Variants in ZNF337 observed in about 807,000 individuals in gnomAD.
ZNF337 encodes zinc finger protein 337.
A neutral mutation model predicts 12.1 loss-of-function variants in ZNF337; 8 were observed. The ratio of observed to expected loss-of-function variants is 0.66; its 90% CI spans 0.39 to 1.19. The LOEUF is 1.19. ZNF337 is among the 50% of genes most tolerant of loss of function. The pLI, the probability that ZNF337 is intolerant of heterozygous loss-of-function variation, is 0.01. For missense variants in ZNF337, 882 were observed against 896.6 expected (o/e 0.98, Z 0.21); for synonymous variants, 336 against 320.0 (o/e 1.05, Z -0.53).
Position 25,686,351 on chromosome 20 carries a change from A to G in ZNF337, c.27+40T>C, listed in dbSNP as rs1269918807. ...TAGGGCCAGTGAAGGAAATGGGCCC[A>G]TCCTGTGACAGCAAGAACGACAGTT... On this transcript the variant is annotated intron_variant, in intron 2 of 4. Transcript: ENST00000252979. 4.4e-6 allele frequency: 7 copies of G among 1,585,380 alleles called. No homozygotes were observed. The East Asian group carries it at 1.1e-4, about 25-fold the overall frequency.
At chr20:25,686,508 C>T in intron 1 of ZNF337, 42 bp from the exon 2 acceptor site, 1 of 1,476,694 alleles carries the variant, frequency 6.8e-7, no homozygotes, top group Non-Finnish European at 9.3e-7. Context: ...GGTGCAGCTG[C>T]CCTCCCCATG....
rs766789939 is a variant in ZNF337, at chr20:25,685,598, T to C, written c.219A>G (p.Glu73=). The part of the protein sequence containing the change: ...RLEQGEVPWG[E]ERRRRPGPCA... ...AGGGGCCTGGCCGGCGTCTTCTCTCTTCTCCCCAGGGCACTTCCCCTTGCT... is the reference window on the plus strand; with the variant it reads ...AGGGGCCTGGCCGGCGTCTTCTCTCCTCTCCCCAGGGCACTTCCCCTTGCT... The change falls in exon 4 of 5, where the codon GAA becomes GAG. Residue 73 remains glutamate (E), a synonymous_variant. Transcript: ENST00000252979. The C allele has an allele frequency of 6.2e-7, 1 of 1,614,208 alleles. No homozygotes were observed. The highest frequency in any genetic ancestry group is 1.1e-5 in the South Asian group (1 of 91,084).
Position 25,685,588 on chromosome 20 carries a change from G to A in ZNF337, c.229C>T (p.Arg77Cys), listed in dbSNP as rs773542852. 41 of 1,614,034 alleles carry A rather than the reference G, an allele frequency of 2.5e-5. No homozygotes were observed. The highest frequency in any genetic ancestry group is 5.3e-5 in the African/African-American group (4 of 74,938). ...TCACCTGCACAGGGGCCTGGCCGGC[G>A]TCTTCTCTCTTCTCCCCAGGGCACT... ...GEVPWGEERR[R>C]RPGPCAGIYA... Residue 77 changes from arginine (R) to cysteine (C), a missense_variant, in exon 4 of 5, where the codon CGC becomes TGC. Physicochemically the swap from Arg to Cys is radical, Grantham distance 180 (BLOSUM62 -3). Coordinates refer to ENST00000252979, the MANE Select transcript of ZNF337 (RefSeq NM_015655.4).
Position 25,675,479 on chromosome 20 carries a change from A to C in ZNF337, c.1809T>G (p.Ser603Arg), listed in dbSNP as rs868544913. Residue 603 changes from serine (S) to arginine (R), a missense_variant, in exon 5 of 5, where the codon AGT (serine) becomes AGG (arginine). Transcript: ENST00000252979. ...THSGEKPFIC[S>R]ECGQGFIWKS... ...TCCAGATAAATCCTTGCCCACATTCACTACAGATGAAAGGCTTCTCCCCTG... is the reference window on the plus strand; with the variant it reads ...TCCAGATAAATCCTTGCCCACATTCCCTACAGATGAAAGGCTTCTCCCCTG... 6.2e-7 allele frequency: 1 copy of C among 1,613,508 alleles called. No homozygotes were observed. Among genetic ancestry groups the C allele is most frequent in the Admixed American group, 1.7e-5 (1 of 59,974 alleles).
chr20:25,695,708 AT>A (rs1385231456), intron 1 of ZNF337, among the ~76,000 whole-genome samples: 1 of 151,854 alleles, frequency 6.6e-6, no homozygotes, highest in Non-Finnish European at 1.5e-5. Context: ...CGCCCCGCTA[AT>A]TTTTTTATTT....
chr20:25,681,940 GGTAA>G (rs1217147744), intron 4 of ZNF337, among the ~76,000 whole-genome samples: 1 of 152,140 alleles, frequency 6.6e-6, no homozygotes, highest in Non-Finnish European at 1.5e-5. Flanking sequence ...TGCACAGCTG[GGTAA>G]GTAAGCGATA....
intron 4 of ZNF337, chr20:25,681,033 A>T (rs1435806181): frequency 6.6e-6 from 1 of 152,192 alleles, no homozygotes; most frequent in African/African-American, 2.4e-5. Context: ...TTGATGCCTT[A>T]ACCCCCAATG....
chr20:25,677,220 T>C (rs2065710464), intron 4 of ZNF337, 183 bp from the exon 5 acceptor site: 1 of 586,460 alleles, frequency 1.7e-6, no homozygotes, highest in East Asian at 2.9e-5. Flanking sequence ...TCCTAACTCA[T>C]TCTAAAAGGC....
chr20:25,685,627 G>C lies in ZNF337; in HGVS notation c.190C>G (p.Leu64Val). The change falls in exon 4 of 5, where the codon CTA becomes GTA. Residue 64 changes from leucine (L) to valine (V), a missense_variant. Transcript: ENST00000252979. ...LHSKPELIRR[L>V]EQGEVPWGEE... Reference sequence around the variant, plus strand: ...CCCCAGGGCACTTCCCCTTGCTCTAGCCGCCTGATGAGTTCTGGTTTAGAA... The same window carrying C: ...CCCCAGGGCACTTCCCCTTGCTCTACCCGCCTGATGAGTTCTGGTTTAGAA... 2 of 1,614,208 alleles carry C rather than the reference G, an allele frequency of 1.2e-6. No homozygotes were observed. The highest frequency in any genetic ancestry group is 1.7e-6 in the Non-Finnish European group (2 of 1,180,034).
In ZNF337 at chr20:25,675,607, TAAG is replaced by T. The variant is rs762640408; in HGVS notation, c.1678_1680del (p.Leu560del). The stretch of plus-strand genomic sequence containing the variant: ...TCCCCCGAGTGTGTCCACTGATGTC[TAAG>T]AAGATTTGCCTTCAAACTAAAACTT... On this transcript the variant is annotated inframe_deletion, in exon 5 of 5. Coordinates refer to ENST00000252979, the MANE Select transcript of ZNF337 (RefSeq NM_015655.4). 41 of 1,613,928 alleles carry T rather than the reference TAAG, an allele frequency of 2.5e-5. No homozygotes were observed. The highest frequency in any genetic ancestry group is 1.6e-4 in the Middle Eastern group (1 of 6,084).
intron 1 of ZNF337, among the ~76,000 whole-genome samples, chr20:25,692,206 A>C (rs1198309121): frequency 1.3e-5 from 2 of 152,224 alleles, no homozygotes; most frequent in African/African-American, 4.8e-5. Context: ...CATCTTAATG[A>C]ACCTGAGTGT....
Position 25,686,044 on chromosome 20 carries a change from G to A in ZNF337, c.106C>T (p.Leu36=). The change falls in exon 3 of 5, where the codon CTG becomes TTG. Residue 36 remains leucine (L), a synonymous_variant. Transcript: ENST00000252979. ...TTCTCCAGTGTCACCTCCCTGTACA[G>A]GGCCCTCTGAGCAGGGCTCAGCAGC... The part of the protein sequence containing the change: ...WRLLSPAQRA[L]YREVTLENYS... The A allele has an allele frequency of 1.2e-6, 2 of 1,614,040 alleles. No individual in the cohort carries two copies. Among genetic ancestry groups the A allele is most frequent in the Non-Finnish European group, 1.7e-6 (2 of 1,179,966 alleles).
rs749264230 is a variant in ZNF337, at chr20:25,685,670, CAG to C, written c.155-10_155-9del. 6.2e-7 allele frequency: 1 copy of C among 1,612,688 alleles called. No homozygotes were observed. The highest frequency in any genetic ancestry group is 1.7e-5 in the Admixed American group (1 of 59,970). ...GTTTAGAATGGAGAATTCCTGCTCA[CAG>C]GGAAAAAAACCATGAGGTGACTCCT... On this transcript the variant is annotated splice_polypyrimidine_tract_variant and intron_variant, in intron 3 of 4. Coordinates refer to ENST00000252979, the MANE Select transcript of ZNF337 (RefSeq NM_015655.4).
At chr20:25,692,267 A>G (rs976082739) in intron 1 of ZNF337, among the ~76,000 whole-genome samples, 1 of 152,224 alleles carries the variant, frequency 6.6e-6, no homozygotes, top group Admixed American at 6.5e-5. Context: ...ATTTCTGCAT[A>G]AACTGGGTAA....
chr20:25,684,322 G>A (rs182315586), intron 4 of ZNF337, among the ~76,000 whole-genome samples: 4 of 151,530 alleles, frequency 2.6e-5, no homozygotes, highest in Admixed American at 2.0e-4. Context: ...CCTGCACATT[G>A]TGCACATGTA....
intron 4 of ZNF337, among the ~76,000 whole-genome samples, chr20:25,680,318 GATC>G (rs1569009622): frequency 2.0e-5 from 3 of 152,118 alleles, no homozygotes; most frequent in East Asian, 3.9e-4. Context: ...ATCCTGATTT[GATC>G]ATTACATATG....
intron 1 of ZNF337, 32 bp from the exon 2 acceptor site, chr20:25,686,498 G>C: frequency 2.6e-6 from 4 of 1,538,590 alleles, no homozygotes; most frequent in Non-Finnish European, 3.6e-6. Context: ...AGGGTGGCTG[G>C]GTGCAGCTGC....
chr20:25,696,559 G>A (rs1356659090), intron 1 of ZNF337, among the ~76,000 whole-genome samples, 200 bp downstream of exon 1: 1 of 152,214 alleles, frequency 6.6e-6, no homozygotes, highest in African/African-American at 2.4e-5. Context: ...CAGACCCGGG[G>A]CGCTCGGCAA....
Position 25,677,178 on chromosome 20 carries a change from C to T in ZNF337, c.251-141G>A, listed in dbSNP as rs1417259389. The T allele has an allele frequency of 1.3e-5, 10 of 765,324 alleles. No individual in the cohort carries two copies. In the Admixed American group the frequency reaches 3.1e-4, roughly 24 times the overall value. 47.4% of individuals were successfully genotyped at this position (765,324 alleles called of 1,614,324 possible). On this transcript the variant is annotated intron_variant, in intron 4 of 4. Transcript: ENST00000252979. ...AACACCAATTCTTCTCAAACTATTC[C>T]AAAAAATTGAAGCAGGGCAGGGAGG...
Sources: allele counts gnomAD v4.1 joint callset (sites outside exome capture counted in the v4.1 genomes callset), GRCh38; gene constraint gnomAD v4.1.1; transcripts MANE v1.5; gene names NCBI Gene and HGNC (gene_info 2026-07-23, HGNC 2026-07-21).